The following EFCAB13 variants were observed in gnomAD, a reference collection of about 807,000 sequenced individuals.
EFCAB13 encodes EF-hand calcium-binding domain-containing protein 13.
EFCAB13 carries 91 observed loss-of-function variants against 110.2 expected under a neutral mutation model. That is an observed-to-expected ratio of 0.83 (90% CI 0.70 to 0.98). EFCAB13 has a LOEUF of 0.98. Among genes scored for constraint, EFCAB13 ranks in the 50% least tolerant of loss-of-function variants. The probability of loss-of-function intolerance (pLI) is 0.00; values close to 1 mark genes in which losing one functional copy is unlikely to be tolerated. For missense variants in EFCAB13, 968 were observed against 1,119.4 expected (o/e 0.86, Z 1.93); for synonymous variants, 323 against 369.9 (o/e 0.87, Z 1.45).
chr17:47,417,974 C>G (rs924660795), intron 23 of EFCAB13, among the ~76,000 whole-genome samples: 2 of 152,186 alleles, frequency 1.3e-5, no homozygotes, highest in Admixed American at 6.5e-5. Flanking sequence ...TAGACCACTT[C>G]AATGCCTTTG....
chr17:47,428,505 T>G (rs953686501), intron 23 of EFCAB13, among the ~76,000 whole-genome samples: 2 of 152,064 alleles, frequency 1.3e-5, no homozygotes, highest in Non-Finnish European at 2.9e-5. Flanking sequence ...CATAACAAAG[T>G]TACTGTAATT....
At chr17:47,324,886 C>T (rs1038996901) in intron 2 of EFCAB13, among the ~76,000 whole-genome samples, 1 of 149,006 alleles carries the variant, frequency 6.7e-6, no homozygotes, top group Non-Finnish European at 1.5e-5. Context: ...AATTTCTTTA[C>T]CCCGTTCTCT....
intron 8 of EFCAB13, among the ~76,000 whole-genome samples, chr17:47,345,587 GT>G: frequency 6.6e-6 from 1 of 152,050 alleles, no homozygotes; most frequent in African/African-American, 2.4e-5. Context: ...GTCCAAATGG[GT>G]GACTCATACT....
chr17:47,394,987 T>C (rs2065729183), intron 16 of EFCAB13, among the ~76,000 whole-genome samples: 1 of 152,218 alleles, frequency 6.6e-6, no homozygotes, highest in Non-Finnish European at 1.5e-5. Flanking sequence ...GCATGTCTTC[T>C]TTATTGGTTC....
Position 47,342,019 on chromosome 17 carries a change from G to T in EFCAB13, c.290G>T (p.Ser97Ile), listed in dbSNP as rs769371939. Reference sequence around the variant, plus strand: ...AAGAGTTTACAAGTACAACAGCACAGTAAAAGAACTGAGGTAAATAAAGAT... The same window carrying T: ...AAGAGTTTACAAGTACAACAGCACATTAAAAGAACTGAGGTAAATAAAGAT... ...GRKSLQVQQH[S>I]KRTEIIPPFL... is the part of the protein sequence containing the mutation. The change falls in exon 6 of 25, where the codon AGT becomes ATT. Residue 97 changes from serine to isoleucine, a missense_variant. By Grantham distance (142) the Ser-to-Ile change is moderately radical. Transcript: ENST00000331493. The T allele has an allele frequency of 1.3e-6, 2 of 1,569,016 alleles. No individual in the cohort carries two copies. The highest frequency in any genetic ancestry group is 2.8e-5 in the African/African-American group (2 of 72,616).
intron 15 of EFCAB13, among the ~76,000 whole-genome samples, chr17:47,392,208 A>G (rs1240135258): frequency 6.6e-6 from 1 of 152,202 alleles, no homozygotes; most frequent in Non-Finnish European, 1.5e-5. Context: ...TCTAAGTTGT[A>G]TGATACCTGT....
chr17:47,345,530 A>G (rs757893214), intron 8 of EFCAB13, among the ~76,000 whole-genome samples: 12 of 152,128 alleles, frequency 7.9e-5, no homozygotes, highest in South Asian at 4.1e-4. Flanking sequence ...AATTTCACAT[A>G]GTTTTCCTTT....
chr17:47,432,340 A>T (rs1905131704), intron 24 of EFCAB13, among the ~76,000 whole-genome samples: 1 of 151,864 alleles, frequency 6.6e-6, no homozygotes, highest in African/African-American at 2.4e-5. Flanking sequence ...GGAGCTTGCA[A>T]TGAGGTGAGA....
chr17:47,397,040 C>T (rs994267979), intron 17 of EFCAB13, among the ~76,000 whole-genome samples: 1 of 142,902 alleles, frequency 7.0e-6, no homozygotes, highest in Non-Finnish European at 1.5e-5. Flanking sequence ...CCCTCCCCCT[C>T]CCCCTTTCCC....
intron 10 of EFCAB13, among the ~76,000 whole-genome samples, chr17:47,365,153 G>A (rs766370976): frequency 2.6e-5 from 4 of 152,196 alleles, no homozygotes; most frequent in Non-Finnish European, 4.4e-5. Context: ...ATAAGACTGA[G>A]CATCAGGTGA....
intron 10 of EFCAB13, among the ~76,000 whole-genome samples, chr17:47,370,118 AG>A (rs2065573176): frequency 6.6e-6 from 1 of 152,242 alleles, no homozygotes; most frequent in African/African-American, 2.4e-5. Context: ...TGAAGTCAAA[AG>A]AGTAAATAAA....
chr17:47,398,927 ATTCT>A (rs2065763932), intron 17 of EFCAB13, among the ~76,000 whole-genome samples: 1 of 152,194 alleles, frequency 6.6e-6, no homozygotes, highest in African/African-American at 2.4e-5. Flanking sequence ...TGTGTTTATT[ATTCT>A]TTCTTTGGAG....
At chr17:47,421,862 A>C (rs576524166) in intron 23 of EFCAB13, among the ~76,000 whole-genome samples, 1 of 152,350 alleles carries the variant, frequency 6.6e-6, no homozygotes, top group South Asian at 2.1e-4. Context: ...AGACGGCTTC[A>C]TTGGTAAGTT....
At chr17:47,398,245 T>G (rs1598750255) in intron 17 of EFCAB13, among the ~76,000 whole-genome samples, 2 of 134,764 alleles carry the variant, frequency 1.5e-5, no homozygotes, top group Admixed American at 7.4e-5. Context: ...GGTGGGGGGG[T>G]CAGCCCCCCG....
At chr17:47,325,923 A>AAAATATATATATAT (rs548207910) in intron 2 of EFCAB13, among the ~76,000 whole-genome samples, 2 of 102,552 alleles carry the variant, frequency 2.0e-5, no homozygotes, top group Non-Finnish European at 3.8e-5. Context: ...ATATAAACAA[A>AAAATATATATATAT]ATATATATAT....
chr17:47,332,468 C>G (rs987416287), intron 4 of EFCAB13, among the ~76,000 whole-genome samples: 2 of 152,014 alleles, frequency 1.3e-5, no homozygotes, highest in Non-Finnish European at 2.9e-5. Context: ...TAACCATGTT[C>G]ACCAATGCAT....
intron 9 of EFCAB13, among the ~76,000 whole-genome samples, chr17:47,360,920 A>G (rs2065509194): frequency 6.6e-6 from 1 of 152,096 alleles, no homozygotes; most frequent in Non-Finnish European, 1.5e-5. Context: ...TTATCTGAAT[A>G]TTTTCTTTTT....
At chr17:47,438,454 C>T (rs2143531285) in intron 24 of EFCAB13, among the ~76,000 whole-genome samples, 1 of 151,554 alleles carries the variant, frequency 6.6e-6, no homozygotes, top group African/African-American at 2.4e-5. Context: ...GGTTGTTTAA[C>T]ATAATCACAG....
chr17:47,419,550 C>T (rs1299318232), intron 23 of EFCAB13, among the ~76,000 whole-genome samples: 3 of 152,142 alleles, frequency 2.0e-5, no homozygotes, highest in Non-Finnish European at 4.4e-5. Flanking sequence ...TGCACTCCAG[C>T]CAGTGTGACA....
Sources: allele counts gnomAD v4.1 joint callset (sites outside exome capture counted in the v4.1 genomes callset), GRCh38; gene constraint gnomAD v4.1.1; transcripts MANE v1.5; gene names NCBI Gene and HGNC (gene_info 2026-07-23, HGNC 2026-07-21).